Variants in RABGAP1 observed in about 807,000 individuals in gnomAD.
RABGAP1 encodes rab GTPase-activating protein 1.
In RABGAP1, 23 loss-of-function variants were observed where a neutral mutation model predicts 137.6. The ratio of observed to expected loss-of-function variants is 0.17; its 90% CI spans 0.12 to 0.24. The LOEUF is 0.24. RABGAP1 is among the 10% of genes least tolerant of loss of function. The pLI is 1.00. For synonymous variants in RABGAP1, 451 were observed against 450.7 expected (o/e 1.00, Z -0.01); for missense variants, 906 against 1,275.8 (o/e 0.71, Z 4.42).
At chr9:123,029,406 C>T (rs2032174059) in intron 13 of RABGAP1, 1 of 1,503,534 alleles carries the variant, frequency 6.7e-7, no homozygotes, top group East Asian at 2.3e-5. Context: ...GCTGGAGCAT[C>T]TCTGCCCTTG....
intron 17 of RABGAP1, among the ~76,000 whole-genome samples, chr9:123,075,636 G>A (rs148547213): frequency 2.9e-3 from 448 of 152,256 alleles, no homozygotes; most frequent in African/African-American, 0.01. Flanking sequence ...ACAACCATCT[G>A]TTAAGTAGCT....
intron 10 of RABGAP1, among the ~76,000 whole-genome samples, chr9:123,006,472 AC>A (rs2030274812): frequency 6.6e-6 from 1 of 152,100 alleles, no homozygotes; most frequent in Non-Finnish European, 1.5e-5. Context: ...TAACTTTTCT[AC>A]CCAGTGATTT....
chr9:122,953,277 T>C (rs1347929864), intron 1 of RABGAP1, among the ~76,000 whole-genome samples: 1 of 152,238 alleles, frequency 6.6e-6, no homozygotes, highest in Non-Finnish European at 1.5e-5. Flanking sequence ...TTGTGTATTG[T>C]TAAATGTTTT....
intron 13 of RABGAP1, among the ~76,000 whole-genome samples, chr9:123,057,191 G>A (rs1227093830): frequency 6.6e-6 from 1 of 151,994 alleles, no homozygotes; most frequent in African/African-American, 2.4e-5. Context: ...TGGCTGCCGG[G>A]CGGAGACGCT....
intron 1 of RABGAP1, among the ~76,000 whole-genome samples, chr9:122,950,431 G>A (rs1834183839): frequency 8.3e-6 from 1 of 120,030 alleles, no homozygotes; most frequent in South Asian, 2.7e-4. Flanking sequence ...CTGTTAACCA[G>A]GATAGAGAAT....
chr9:122,968,834 C>T (rs1835317002), intron 2 of RABGAP1, among the ~76,000 whole-genome samples: 3 of 151,898 alleles, frequency 2.0e-5, no homozygotes. Context: ...AGGCTGGTCT[C>T]GAACTCCTGA....
chr9:122,992,666 T>G (rs1234383012), intron 6 of RABGAP1, among the ~76,000 whole-genome samples: 2 of 148,744 alleles, frequency 1.3e-5, no homozygotes, highest in African/African-American at 4.9e-5. Flanking sequence ...TAATGATCAA[T>G]ATACCTAAAT....
intron 13 of RABGAP1, among the ~76,000 whole-genome samples, chr9:123,051,507 A>G (rs2033470722): frequency 6.6e-6 from 1 of 150,636 alleles, no homozygotes; most frequent in Non-Finnish European, 1.5e-5. Flanking sequence ...TCGACCTCCC[A>G]AAGTGCTGGG....
intron 13 of RABGAP1, chr9:123,029,285 A>G: frequency 1.8e-6 from 1 of 547,740 alleles, no homozygotes; most frequent in Non-Finnish European, 3.3e-6. Context: ...CTGCACTAAA[A>G]TAATATGTTA....
At chr9:123,007,232 C>T (rs2030360926) in intron 10 of RABGAP1, among the ~76,000 whole-genome samples, 1 of 151,984 alleles carries the variant, frequency 6.6e-6, no homozygotes, top group South Asian at 2.1e-4. Flanking sequence ...TGCTGCCAGG[C>T]CCAGCTAATT....
chr9:122,948,510 A>G (rs1305581979), intron 1 of RABGAP1, among the ~76,000 whole-genome samples: 1 of 152,204 alleles, frequency 6.6e-6, no homozygotes. Context: ...TAATAATGCA[A>G]GTAAAACTTG....
chr9:122,996,622 A>G lies in RABGAP1; in HGVS notation c.1101+17A>G. ...TTAGATTTGGTAAGAATTTATTTTT[A>G]TTAGAAAGTTACATACTATTTCCTC... On this transcript the variant is annotated intron_variant, in intron 8 of 25. Coordinates refer to ENST00000373647, the MANE Select transcript of RABGAP1 (RefSeq NM_012197.4). The G allele has an allele frequency of 6.4e-7, 1 of 1,566,860 alleles. No individual in the cohort carries two copies. Among genetic ancestry groups the G allele is most frequent in the Non-Finnish European group, 8.7e-7 (1 of 1,144,374 alleles).
intron 2 of RABGAP1, among the ~76,000 whole-genome samples, chr9:122,978,193 C>A (rs1035860600): frequency 8.5e-5 from 13 of 152,212 alleles, no homozygotes; most frequent in Non-Finnish European, 1.8e-4. Context: ...TATTCCCCTT[C>A]CCTGATAACC....
chr9:122,955,793 A>C (rs758932721), intron 1 of RABGAP1, among the ~76,000 whole-genome samples: 11 of 152,212 alleles, frequency 7.2e-5, no homozygotes, highest in Non-Finnish European at 1.3e-4. Flanking sequence ...ATGCTCCATA[A>C]ATATATAGTC....
chr9:122,933,811 G>A, the RABGAP1 span, among the ~76,000 whole-genome samples: 2 of 152,038 alleles, frequency 1.3e-5, no homozygotes, highest in East Asian at 3.9e-4. Flanking sequence ...TTTTAGTAGA[G>A]ATGGGGTTTT....
At chr9:123,035,606 G>A (rs1179432337) in intron 13 of RABGAP1, 11 of 1,581,638 alleles carry the variant, frequency 7.0e-6, no homozygotes, top group Non-Finnish European at 9.4e-6. Context: ...CTTAATGGAT[G>A]TCATATCTGA....
rs375554014 is a variant in RABGAP1, at chr9:122,998,686, G to A, written c.1294G>A (p.Val432Ile). 327 of 1,612,402 alleles carry A rather than the reference G, an allele frequency of 2.0e-4. 4 individuals are homozygous for A. Among genetic ancestry groups the A allele is most frequent in the South Asian group, 1.8e-3 (162 of 91,010 alleles). ...ATTTCTCCTGGAGACAAAAGTCCGC[G>A]TTTGCTCACCTAATGAAAGATTATT... Reference protein sequence around the residue: ...VRFLLETKVRVCSPNERLFWP... With the variant: ...VRFLLETKVRICSPNERLFWP... The change falls in exon 10 of 26, where the codon GTT (valine) becomes ATT (isoleucine). Residue 432 changes from valine (V) to isoleucine (I), a missense_variant. By Grantham distance (29) the Val-to-Ile change is conservative. Coordinates refer to ENST00000373647, the MANE Select transcript of RABGAP1 (RefSeq NM_012197.4).
At chr9:122,987,976 T>C (rs1226232078) in intron 4 of RABGAP1, among the ~76,000 whole-genome samples, 1 of 152,228 alleles carries the variant, frequency 6.6e-6, no homozygotes, top group East Asian at 1.9e-4. Context: ...GAGTAATAGC[T>C]GTGTGTTGAT....
At chr9:123,035,639 CGTGTGTGTGTGTGTGTGTGTGT>C (rs5900552) in intron 13 of RABGAP1, 184 of 733,380 alleles carry the variant, frequency 2.5e-4, no homozygotes, top group African/African-American at 1.6e-3. Flanking sequence ...ACGGGGTTCC[CGTGTGTGTGTGTGTGTGTGTGT>C]GTGTGTGTGT....
Sources: allele counts gnomAD v4.1 joint callset (sites outside exome capture counted in the v4.1 genomes callset), GRCh38; gene constraint gnomAD v4.1.1; transcripts MANE v1.5; gene names NCBI Gene and HGNC (gene_info 2026-07-23, HGNC 2026-07-21).